KLHL1: variants seen among roughly 807,000 people sequenced by gnomAD.
KLHL1 encodes kelch like family member 1, also known as kelch-like protein 1.
In KLHL1, 47 loss-of-function variants were observed where a neutral mutation model predicts 77.7. The ratio of observed to expected loss-of-function variants is 0.60; its 90% CI spans 0.48 to 0.77. KLHL1 has a LOEUF of 0.77. KLHL1 is among the 30% of genes least tolerant of loss of function. The pLI is 0.00. For synonymous variants in KLHL1, 360 were observed against 325.2 expected (o/e 1.11, Z -1.15); for missense variants, 925 against 910.8 (o/e 1.02, Z -0.20).
Position 70,040,950 on chromosome 13 carries a change from T to C in KLHL1, c.498-65148A>G, listed in dbSNP as rs185368038. Among the ~76,000 whole-genome samples the C allele has an allele frequency of 5.6e-4, 86 of 152,276 alleles. 3 individuals are homozygous for C. In the Middle Eastern group the frequency reaches 0.02, roughly 36 times the overall value. On this transcript the variant is annotated intron_variant, in intron 1 of 10. Transcript: ENST00000377844. ...CAGTCTCTTTTCTCTCTGTTTGTTT[T>C]ACAGATTGGGTGACTTCTACTGATT...
intron 6 of KLHL1, among the ~76,000 whole-genome samples, chr13:69,833,468 G>T (rs975714441): frequency 2.0e-5 from 3 of 151,750 alleles, no homozygotes; most frequent in Non-Finnish European, 4.4e-5. Flanking sequence ...ATGTCGACAA[G>T]GATGTGGTGA....
intron 3 of KLHL1, among the ~76,000 whole-genome samples, chr13:69,943,362 T>A (rs965329021): frequency 3.3e-5 from 5 of 151,996 alleles, no homozygotes; most frequent in African/African-American, 9.7e-5. Context: ...TCACTGAAAG[T>A]AAGACAGTAA....
At chr13:69,783,273 C>T (rs890358988) in intron 7 of KLHL1, among the ~76,000 whole-genome samples, 1 of 152,178 alleles carries the variant, frequency 6.6e-6, no homozygotes, top group South Asian at 2.1e-4. Context: ...AGCACCTCTC[C>T]TCCTCCAAAG....
At chr13:69,878,711 TAGAGAG>T (rs988830315) in intron 5 of KLHL1, among the ~76,000 whole-genome samples, 4,485 of 143,558 alleles carry the variant, frequency 0.031, 76 homozygotes, top group Non-Finnish European at 0.041. Context: ...TATATATATA[TAGAGAG>T]AGAGAGAGAG....
At chr13:69,840,698 A>ATATGTATGTATGTATG (rs200339697) in intron 5 of KLHL1, among the ~76,000 whole-genome samples, 7 of 146,276 alleles carry the variant, frequency 4.8e-5, no homozygotes, top group Non-Finnish European at 6.0e-5. Context: ...ATATATATAT[A>ATATGTATGTATGTATG]TATGTATGTA....
chr13:69,948,601 A>G (rs2137251067), intron 3 of KLHL1, among the ~76,000 whole-genome samples: 2 of 152,160 alleles, frequency 1.3e-5, no homozygotes, highest in Middle Eastern at 6.8e-3. Context: ...CCAAATATGT[A>G]TGAGTAGACT....
At chr13:70,078,690 C>A (rs1887320260) in intron 1 of KLHL1, among the ~76,000 whole-genome samples, 2 of 152,114 alleles carry the variant, frequency 1.3e-5, no homozygotes, top group Non-Finnish European at 2.9e-5. Context: ...TCTTTGCGAC[C>A]ACTGCCAGCT....
chr13:69,858,949 T>C (rs1880029435), intron 5 of KLHL1, among the ~76,000 whole-genome samples: 1 of 152,078 alleles, frequency 6.6e-6, no homozygotes, highest in African/African-American at 2.4e-5. Flanking sequence ...TCTTGTTCTT[T>C]CTCTGTCTAT....
At chr13:69,998,922 G>C (rs1040025339) in intron 1 of KLHL1, among the ~76,000 whole-genome samples, 2 of 151,892 alleles carry the variant, frequency 1.3e-5, no homozygotes, top group African/African-American at 4.8e-5. Flanking sequence ...TAATCTGGGG[G>C]ATGCTTTGAC....
At chr13:69,733,800 T>A (rs1353769313) in intron 8 of KLHL1, among the ~76,000 whole-genome samples, 1 of 152,196 alleles carries the variant, frequency 6.6e-6, no homozygotes, top group African/African-American at 2.4e-5. Context: ...CTACTAAAGC[T>A]GAGCACAAGA....
chr13:69,734,046 A>G (rs1381341374), intron 8 of KLHL1, among the ~76,000 whole-genome samples: 1 of 152,090 alleles, frequency 6.6e-6, no homozygotes, highest in East Asian at 1.9e-4. Context: ...CAAATCTCAT[A>G]TTGGAATGTA....
intron 1 of KLHL1, among the ~76,000 whole-genome samples, chr13:70,031,549 C>T (rs1405297688): frequency 6.6e-6 from 1 of 152,054 alleles, no homozygotes; most frequent in East Asian, 1.9e-4. Flanking sequence ...TTGTTAAAGA[C>T]AAATGGGGTC....
At chr13:70,023,792 C>T (rs1197193384) in intron 1 of KLHL1, among the ~76,000 whole-genome samples, 1 of 151,778 alleles carries the variant, frequency 6.6e-6, no homozygotes, top group South Asian at 2.1e-4. Context: ...TTTATATTGC[C>T]AGTAAATGGT....
At chr13:69,733,824 A>T (rs1873655207) in intron 8 of KLHL1, among the ~76,000 whole-genome samples, 1 of 152,190 alleles carries the variant, frequency 6.6e-6, no homozygotes, top group Non-Finnish European at 1.5e-5. Context: ...AGTAAAGCCT[A>T]GTAATTTAAG....
chr13:69,878,659 AATAC>A (rs1312315377), intron 5 of KLHL1, among the ~76,000 whole-genome samples: 1 of 151,936 alleles, frequency 6.6e-6, no homozygotes, highest in Non-Finnish European at 1.5e-5. Context: ...AACACATATA[AATAC>A]ATACATGTAT....
chr13:70,034,592 AAC>A (rs1359605774), intron 1 of KLHL1, among the ~76,000 whole-genome samples: 2 of 152,236 alleles, frequency 1.3e-5, no homozygotes, highest in Non-Finnish European at 2.9e-5. Flanking sequence ...AGAAACAGAA[AAC>A]ACAGAAAAAT....
chr13:70,031,594 G>A (rs1052909595), intron 1 of KLHL1, among the ~76,000 whole-genome samples: 2 of 152,158 alleles, frequency 1.3e-5, no homozygotes, highest in Non-Finnish European at 2.9e-5. Context: ...GCCAAAGACA[G>A]GTTATAGTTC....
At chr13:69,806,104 T>C (rs970357555) in intron 6 of KLHL1, among the ~76,000 whole-genome samples, 45 of 152,202 alleles carry the variant, frequency 3.0e-4, no homozygotes, top group African/African-American at 1.1e-3. Context: ...AGAGTGGTTA[T>C]ACGCATCAAT....
intron 1 of KLHL1, among the ~76,000 whole-genome samples, chr13:70,053,248 A>G (rs1442210543): frequency 6.6e-6 from 1 of 152,114 alleles, no homozygotes; most frequent in East Asian, 1.9e-4. Flanking sequence ...TAACAGCAAG[A>G]CTTTTCCAGG....
Sources: gnomAD v4.1 joint callset for allele counts (sites outside exome capture counted in the v4.1 genomes callset) on GRCh38, gnomAD v4.1.1 for gene constraint, MANE v1.5 for transcripts, NCBI Gene and HGNC (gene_info 2026-07-23, HGNC 2026-07-21) for gene names.